TRAPPC9: variants seen among roughly 807,000 people sequenced by gnomAD.
The protein encoded by TRAPPC9 is IKK2 binding protein.
Under a neutral mutation model 124.0 loss-of-function variants are expected in TRAPPC9, and 83 were observed. That is an observed-to-expected ratio of 0.67 (90% CI 0.56 to 0.80). The LOEUF (loss-of-function observed/expected upper bound fraction) is 0.80, where lower values mean the gene tolerates loss of function less well. TRAPPC9 is among the 30% of genes least tolerant of loss of function. The probability of loss-of-function intolerance (pLI) is 0.00; values close to 1 mark genes in which losing one functional copy is unlikely to be tolerated. For synonymous variants in TRAPPC9, 638 were observed against 617.5 expected (o/e 1.03, Z -0.49); for missense variants, 1,302 against 1,508.3 (o/e 0.86, Z 2.27).
intron 17 of TRAPPC9, among the ~76,000 whole-genome samples, chr8:140,220,867 C>T (rs1443019197): frequency 6.6e-6 from 1 of 152,092 alleles, no homozygotes; most frequent in African/African-American, 2.4e-5. Context: ...CCCTGCAGTC[C>T]TCCTGCTCTA....
intron 18 of TRAPPC9, among the ~76,000 whole-genome samples, chr8:140,009,117 G>A (rs1838951914): frequency 6.6e-6 from 1 of 152,076 alleles, no homozygotes; most frequent in Admixed American, 6.5e-5. Flanking sequence ...AATGGAATTG[G>A]ACCATTTTTG....
intron 9 of TRAPPC9, among the ~76,000 whole-genome samples, chr8:140,347,668 CTTG>C (rs1014941748): frequency 6.6e-6 from 1 of 152,192 alleles, no homozygotes; most frequent in Non-Finnish European, 1.5e-5. Flanking sequence ...CCCACTTGGC[CTTG>C]TTGTATTCAG....
Position 139,984,478 on chromosome 8 carries a change from G to A in TRAPPC9, c.2810+4248C>T, listed in dbSNP as rs1214178571. On this transcript the variant is annotated intron_variant, in intron 19 of 22. Coordinates refer to ENST00000438773, the MANE Select transcript of TRAPPC9 (RefSeq NM_001160372.4). This position sits in a 1 kb window ranked among gnomAD's most constrained non-coding sequence, Gnocchi z 4.3. ...GGGGGGCCGGGGGGTGGTGGCAGGG[G>A]TGCCTCCTCGTAGGGGAACGGGAGA... Among the ~76,000 whole-genome samples, 2 of 152,082 alleles carry A rather than the reference G, an allele frequency of 1.3e-5. No individual in the cohort carries two copies. Among genetic ancestry groups the A allele is most frequent in the Non-Finnish European group, 2.9e-5 (2 of 68,006 alleles).
At position 140,318,019 on chromosome 8, in the gene TRAPPC9, T is replaced by C. The variant is rs540276200; in HGVS notation, c.1496-6645A>G. ...TGTTTTAAGTATAATATTGTAGTTA[T>C]ATAAGAAAATGCTCATTTTTTAGCA... On this transcript the variant is annotated intron_variant, in intron 9 of 22. Coordinates refer to ENST00000438773, the MANE Select transcript of TRAPPC9 (RefSeq NM_001160372.4). Among the ~76,000 whole-genome samples the C allele has an allele frequency of 2.6e-5, 4 of 152,316 alleles. No individual in the cohort carries two copies. The East Asian group carries it at 7.7e-4, about 29-fold the overall frequency.
chr8:139,762,085 C>T (rs1820273500), intron 21 of TRAPPC9, among the ~76,000 whole-genome samples: 1 of 151,792 alleles, frequency 6.6e-6, no homozygotes, highest in Non-Finnish European at 1.5e-5. Flanking sequence ...CCAGGACAGC[C>T]CTCTGAGCCA....
intron 16 of TRAPPC9, among the ~76,000 whole-genome samples, chr8:140,250,053 A>G (rs1314731298): frequency 2.0e-5 from 3 of 152,202 alleles, no homozygotes; most frequent in Non-Finnish European, 4.4e-5. Context: ...GTCCCAAAAC[A>G]AAGTCTTCTT....
intron 5 of TRAPPC9, among the ~76,000 whole-genome samples, chr8:140,424,087 A>C (rs2132538763): frequency 6.6e-6 from 1 of 152,268 alleles, no homozygotes; most frequent in East Asian, 1.9e-4. Context: ...AATATACTAA[A>C]AATGACTGGA....
chr8:139,760,391 G>C (rs543316209), intron 21 of TRAPPC9, among the ~76,000 whole-genome samples: 10 of 152,180 alleles, frequency 6.6e-5, no homozygotes, highest in African/African-American at 2.4e-4. Context: ...TCCCTCCCAG[G>C]GTGGCCTGTC....
At chr8:139,840,202 C>A (rs1183880088) in intron 21 of TRAPPC9, among the ~76,000 whole-genome samples, 1 of 152,212 alleles carries the variant, frequency 6.6e-6, no homozygotes, top group Non-Finnish European at 1.5e-5. Flanking sequence ...TGCTGTGACA[C>A]TGTGGCTGCG....
intron 21 of TRAPPC9, among the ~76,000 whole-genome samples, chr8:139,824,329 C>T (rs1825472003): frequency 6.6e-6 from 1 of 152,106 alleles, no homozygotes; most frequent in African/African-American, 2.4e-5. Flanking sequence ...CTGTGCAGAG[C>T]TTCGGGGGCC....
chr8:140,176,548 T>C (rs2062076055), intron 17 of TRAPPC9, among the ~76,000 whole-genome samples: 1 of 152,224 alleles, frequency 6.6e-6, no homozygotes, highest in Non-Finnish European at 1.5e-5. Flanking sequence ...TATGTTAAAG[T>C]GTGTTTATCC....
chr8:139,964,420 C>T (rs1443408445), intron 19 of TRAPPC9, among the ~76,000 whole-genome samples: 2 of 152,024 alleles, frequency 1.3e-5, no homozygotes, highest in African/African-American at 4.8e-5. Context: ...TAACTCAACA[C>T]TCTCTAAGAA....
At chr8:139,915,828 G>A (rs2126299) in intron 19 of TRAPPC9, among the ~76,000 whole-genome samples, 16,109 of 152,220 alleles carry the variant, frequency 0.11, 970 homozygotes, top group Admixed American at 0.17. Context: ...AGTCACCTGC[G>A]TCTCTTCCAC....
At position 139,977,039 on chromosome 8, in the gene TRAPPC9, C is replaced by T. The variant is rs376948044; in HGVS notation, c.2810+11687G>A. ...GGTCTGGATTATCTGATGAGTAAGA[C>T]GATTCTGGCCTGAAAACATACAGCA... On this transcript the variant is annotated intron_variant, in intron 19 of 22. Transcript: ENST00000438773. Among the ~76,000 whole-genome samples, 148 of 152,308 alleles carry T rather than the reference C, an allele frequency of 9.7e-4. 1 individual carries two copies. The South Asian group carries it at 0.029, about 30-fold the overall frequency.
intron 17 of TRAPPC9, among the ~76,000 whole-genome samples, chr8:140,157,251 CT>C (rs1193870267): frequency 0.013 from 182 of 14,080 alleles, 27 homozygotes; most frequent in East Asian, 0.062. Context: ...AAAAGCCTCC[CT>C]TTTCCATTCA....
intron 13 of TRAPPC9, among the ~76,000 whole-genome samples, chr8:140,285,699 C>A (rs545013242): frequency 6.6e-6 from 1 of 151,962 alleles, no homozygotes; most frequent in Non-Finnish European, 1.5e-5. Context: ...CCTCTTTCTG[C>A]CCCCTGTGGA....
chr8:140,269,846 C>G (rs1263099577), intron 15 of TRAPPC9, among the ~76,000 whole-genome samples: 4 of 152,154 alleles, frequency 2.6e-5, no homozygotes, highest in African/African-American at 9.7e-5. Flanking sequence ...TGCCTGTAAT[C>G]CCAGCACTTT....
chr8:140,272,132 ATGG>A (rs2064932770), intron 15 of TRAPPC9, among the ~76,000 whole-genome samples: 1 of 138,630 alleles, frequency 7.2e-6, no homozygotes, highest in African/African-American at 2.6e-5. Flanking sequence ...GATGGTGGCG[ATGG>A]TGATGGTGAT....
At chr8:139,881,753 C>T (rs542942652) in intron 21 of TRAPPC9, among the ~76,000 whole-genome samples, 2 of 150,900 alleles carry the variant, frequency 1.3e-5, no homozygotes, top group African/African-American at 4.9e-5. Flanking sequence ...CTTAAAACCA[C>T]CTTCTCAAAT....
Sources: allele counts gnomAD v4.1 joint callset (sites outside exome capture counted in the v4.1 genomes callset), GRCh38; gene constraint gnomAD v4.1.1; non-coding constraint Gnocchi (gnomAD v3.1); transcripts MANE v1.5; gene names NCBI Gene and HGNC (gene_info 2026-07-23, HGNC 2026-07-21).